The following MEI4 variants were observed in gnomAD, a reference collection of about 807,000 sequenced individuals.
The protein encoded by MEI4 is meiotic double-stranded break formation protein 4, also known as meiosis-specific protein MEI4.
Under a neutral mutation model 31.4 loss-of-function variants are expected in MEI4, and 27 were observed. The ratio of observed to expected loss-of-function variants is 0.86; its 90% CI spans 0.63 to 1.19. MEI4 has a LOEUF of 1.19. MEI4 is among the 50% of genes most tolerant of loss of function. The pLI, the probability that MEI4 is intolerant of heterozygous loss-of-function variation, is 0.00. For synonymous variants in MEI4, 122 were observed against 145.4 expected, an observed-to-expected ratio of 0.84 and a Z score of 1.16; for missense variants, 329 against 398.9, an observed-to-expected ratio of 0.82 and a Z score of 1.49.
chr6:77,830,908 A>C (rs1457687462), intron 4 of MEI4, among the ~76,000 whole-genome samples: 1 of 151,994 alleles, frequency 6.6e-6, no homozygotes, highest in Non-Finnish European at 1.5e-5. Context: ...AAATGAGAAT[A>C]TATCAAGGCA....
At chr6:77,754,390 T>C (rs1767861337) in intron 2 of MEI4, among the ~76,000 whole-genome samples, 1 of 152,122 alleles carries the variant, frequency 6.6e-6, no homozygotes, top group South Asian at 2.1e-4. Flanking sequence ...TCCCAATAAG[T>C]TCCTCATCTG....
In MEI4 at chr6:77,917,491, T is replaced by C. The variant is rs1367607721; in HGVS notation, c.901-5598T>C. ...ACTGGTGTGAGATGGTATCTCATTG[T>C]GGTTTTGATTTGCATTTCTCTGATG... On this transcript the variant is annotated intron_variant, in intron 4 of 4. Transcript: ENST00000684080. 6.0e-5 allele frequency among the ~76,000 whole-genome samples: 9 copies of C among 149,916 alleles called. No homozygotes were observed. In the East Asian group the frequency reaches 1.8e-3, roughly 30 times the overall value.
At chr6:77,789,686 A>C (rs552155233) in intron 3 of MEI4, among the ~76,000 whole-genome samples, 1 of 152,224 alleles carries the variant, frequency 6.6e-6, no homozygotes, top group Admixed American at 6.5e-5. Context: ...AGAGAAATGT[A>C]AATCAAAACC....
chr6:77,812,331 GA>G (rs1026164880), intron 3 of MEI4, among the ~76,000 whole-genome samples: 9 of 152,006 alleles, frequency 5.9e-5, no homozygotes, highest in African/African-American at 2.2e-4. Context: ...AAGCAAGCAA[GA>G]AAAAAAGTTT....
rs562761308 is a variant in MEI4, at chr6:77,815,003, G to A, written c.769-13928G>A. On this transcript the variant is annotated intron_variant, in intron 3 of 4. Coordinates refer to ENST00000684080, the MANE Select transcript of MEI4 (RefSeq NM_001322247.2). ...CTGTGCCCACTGTACCAAATAGTGC[G>A]AGCTCATTTCTTCATTTTAAGCCTC... 8.5e-5 allele frequency among the ~76,000 whole-genome samples: 13 copies of A among 152,196 alleles called. No individual in the cohort carries two copies. The South Asian group carries it at 1.9e-3, about 22-fold the overall frequency.
intron 4 of MEI4, among the ~76,000 whole-genome samples, chr6:77,918,725 T>C (rs1043129581): frequency 4.6e-5 from 7 of 151,806 alleles, no homozygotes; most frequent in African/African-American, 1.7e-4. Flanking sequence ...CAGGGACAAT[T>C]TGACTTCCTC....
At chr6:77,877,860 C>CA (rs199502681) in intron 4 of MEI4, among the ~76,000 whole-genome samples, 5 of 147,530 alleles carry the variant, frequency 3.4e-5, no homozygotes, top group Admixed American at 2.0e-4. Flanking sequence ...TAAGTGAGAA[C>CA]AAAAAAAAAG....
At chr6:77,765,729 C>T (rs939235797) in intron 3 of MEI4, among the ~76,000 whole-genome samples, 11 of 151,886 alleles carry the variant, frequency 7.2e-5, no homozygotes, top group African/African-American at 9.7e-5. Context: ...TATAAAGACA[C>T]ATGCACACAT....
intron 2 of MEI4, among the ~76,000 whole-genome samples, chr6:77,748,773 G>A (rs769926770): frequency 6.6e-6 from 1 of 152,210 alleles, no homozygotes; most frequent in Non-Finnish European, 1.5e-5. Flanking sequence ...CCTCTTGAAT[G>A]CTTTGCTGCT....
chr6:77,713,175 A>G (rs183264265), intron 2 of MEI4, among the ~76,000 whole-genome samples: 7 of 151,742 alleles, frequency 4.6e-5, no homozygotes, highest in African/African-American at 1.7e-4. Context: ...CATGATACAC[A>G]CTCTCCTGTT....
intron 4 of MEI4, among the ~76,000 whole-genome samples, chr6:77,900,553 G>A (rs1766167026): frequency 2.6e-5 from 4 of 151,900 alleles, no homozygotes; most frequent in East Asian, 3.9e-4. Context: ...ATATAAGGCA[G>A]AATATTTAAA....
chr6:77,865,525 C>T (rs936669877), intron 4 of MEI4, among the ~76,000 whole-genome samples: 1 of 152,080 alleles, frequency 6.6e-6, no homozygotes. Flanking sequence ...CAAGACTAAA[C>T]CAGGAAGAAT....
At chr6:77,795,792 A>G (rs1347028357) in intron 3 of MEI4, among the ~76,000 whole-genome samples, 3 of 151,906 alleles carry the variant, frequency 2.0e-5, no homozygotes, top group African/African-American at 7.2e-5. Context: ...CCAACAAATA[A>G]AAACCCAGGA....
intron 2 of MEI4, among the ~76,000 whole-genome samples, chr6:77,751,631 A>G (rs1164306239): frequency 6.6e-6 from 1 of 152,194 alleles, no homozygotes; most frequent in East Asian, 1.9e-4. Flanking sequence ...TTAATAGCCT[A>G]CTAACCAAAA....
chr6:77,851,372 CT>C (rs1258622474), intron 4 of MEI4, among the ~76,000 whole-genome samples: 2 of 152,108 alleles, frequency 1.3e-5, no homozygotes, highest in East Asian at 1.9e-4. Context: ...ATAGCAAAGT[CT>C]TGGAACCACC....
At chr6:77,885,923 AT>A (rs1168254167) in intron 4 of MEI4, among the ~76,000 whole-genome samples, 2 of 151,914 alleles carry the variant, frequency 1.3e-5, no homozygotes, top group Middle Eastern at 3.4e-3. Context: ...TAAGATTATA[AT>A]TTTTTTCCTC....
chr6:77,917,621 T>TGTTC (rs878872143), intron 4 of MEI4, among the ~76,000 whole-genome samples: 1 of 45,472 alleles, frequency 2.2e-5, no homozygotes, highest in South Asian at 4.3e-4. Flanking sequence ...TGGGGTTGTT[T>TGTTC]TTTTCTTGTA....
At chr6:77,670,043 T>C (rs1768709969) in intron 1 of MEI4, among the ~76,000 whole-genome samples, 1 of 152,184 alleles carries the variant, frequency 6.6e-6, no homozygotes, top group African/African-American at 2.4e-5. Context: ...AGCTTAAGCT[T>C]GAGTAACTTG....
intron 1 of MEI4, among the ~76,000 whole-genome samples, chr6:77,684,241 CG>C (rs1293630510): frequency 6.6e-6 from 1 of 151,888 alleles, no homozygotes; most frequent in Non-Finnish European, 1.5e-5. Flanking sequence ...AAAACTCTTA[CG>C]TTTTTTAAAA....
Sources: gnomAD v4.1 joint callset for allele counts (sites outside exome capture counted in the v4.1 genomes callset) on GRCh38, gnomAD v4.1.1 for gene constraint, MANE v1.5 for transcripts, NCBI Gene and HGNC (gene_info 2026-07-23, HGNC 2026-07-21) for gene names.